Variants in HYCC2 observed in about 807,000 individuals in gnomAD.
HYCC2 encodes hyccin 2.
the HYCC2 span, chr2:200,981,736 C>T: frequency 6.2e-7 from 1 of 1,614,128 alleles, no homozygotes; most frequent in Non-Finnish European, 8.5e-7. This position sits in a 1 kb window ranked among gnomAD's most constrained non-coding sequence, Gnocchi z 4.5. Flanking sequence ...TGCTACTTTC[C>T]TTAAGCTTCC....
chr2:201,037,244 G>T, the HYCC2 span, among the ~76,000 whole-genome samples: 3 of 152,074 alleles, frequency 2.0e-5, no homozygotes, highest in Non-Finnish European at 4.4e-5. Flanking sequence ...ATAAAAGAGG[G>T]CATAAAAAAA....
the HYCC2 span, among the ~76,000 whole-genome samples, chr2:200,985,148 G>A: frequency 6.6e-6 from 1 of 152,034 alleles, no homozygotes; most frequent in Non-Finnish European, 1.5e-5. Flanking sequence ...AAAGGCAATT[G>A]TGTCTCAAAA....
the HYCC2 span, among the ~76,000 whole-genome samples, chr2:201,030,001 C>T: frequency 4.6e-5 from 7 of 152,252 alleles, no homozygotes; most frequent in East Asian, 9.6e-4. Context: ...GTGGGAAGAA[C>T]GCTTGATCTC....
At chr2:200,984,367 T>G in the HYCC2 span, among the ~76,000 whole-genome samples, 1 of 152,196 alleles carries the variant, frequency 6.6e-6, no homozygotes, top group Non-Finnish European at 1.5e-5. Flanking sequence ...AACTCCAGCT[T>G]TAAAAGTCAT....
the HYCC2 span, among the ~76,000 whole-genome samples, chr2:201,042,540 T>C: frequency 6.6e-6 from 1 of 151,270 alleles, no homozygotes; most frequent in African/African-American, 2.4e-5. Flanking sequence ...CCACCCCGTC[T>C]GGGAGGTGAG....
chr2:200,996,028 C>CTTTTTTTTTTTTTTTTTTTTTTTTTTT, the HYCC2 span: 1 of 115,506 alleles, frequency 8.7e-6, no homozygotes, highest in Non-Finnish European at 1.8e-5. Context: ...TTTCTTTTTT[C>CTTTTTTTTTTTTTTTTTTTTTTTTTTT]TTTTTTTTTT....
At chr2:201,039,770 TGAC>T in the HYCC2 span, among the ~76,000 whole-genome samples, 1 of 152,194 alleles carries the variant, frequency 6.6e-6, no homozygotes, top group Non-Finnish European at 1.5e-5. Context: ...CAAGTATAGA[TGAC>T]TACTACTACT....
At chr2:200,994,089 AC>A in the HYCC2 span, among the ~76,000 whole-genome samples, 2 of 152,250 alleles carry the variant, frequency 1.3e-5, no homozygotes, top group African/African-American at 2.4e-5. Flanking sequence ...GTAATGTTAG[AC>A]CATTAAAGAA....
the HYCC2 span, among the ~76,000 whole-genome samples, chr2:201,038,067 C>G: frequency 6.6e-6 from 1 of 152,118 alleles, no homozygotes; most frequent in African/African-American, 2.4e-5. Context: ...ACAACCCCAT[C>G]AAAAAGTGGG....
chr2:201,048,355 T>C, the HYCC2 span, among the ~76,000 whole-genome samples: 2 of 152,070 alleles, frequency 1.3e-5, no homozygotes, highest in East Asian at 3.8e-4. Context: ...AGATTATACA[T>C]ATAAACCCAA....
chr2:200,991,526 G>A, the HYCC2 span, among the ~76,000 whole-genome samples: 1 of 150,028 alleles, frequency 6.7e-6, no homozygotes. Context: ...CTGAGATAGC[G>A]CCACTGCACT....
the HYCC2 span, among the ~76,000 whole-genome samples, chr2:201,059,521 A>G: frequency 6.6e-6 from 1 of 152,142 alleles, no homozygotes; most frequent in Non-Finnish European, 1.5e-5. Flanking sequence ...AATGACAGAG[A>G]GTGACTCTTT....
the HYCC2 span, among the ~76,000 whole-genome samples, chr2:201,059,874 C>G: frequency 6.6e-6 from 1 of 151,986 alleles, no homozygotes; most frequent in African/African-American, 2.4e-5. Context: ...GGTGAAACCC[C>G]GTCTCTACTA....
chr2:200,977,908 G>C, the HYCC2 span: 2 of 152,254 alleles, frequency 1.3e-5, no homozygotes, highest in African/African-American at 4.8e-5. Flanking sequence ...TTGCTTTCTA[G>C]TAATTAATGT....
chr2:201,028,854 A>T, the HYCC2 span, among the ~76,000 whole-genome samples: 2 of 152,220 alleles, frequency 1.3e-5, no homozygotes, highest in East Asian at 3.8e-4. Context: ...CTAAAACCAT[A>T]AAAACCCTAG....
At chr2:201,044,207 G>T in the HYCC2 span, among the ~76,000 whole-genome samples, 1 of 152,144 alleles carries the variant, frequency 6.6e-6, no homozygotes, top group Non-Finnish European at 1.5e-5. Context: ...CACAGAAAAT[G>T]ACTATCTTTA....
At chr2:201,053,215 T>C in the HYCC2 span, among the ~76,000 whole-genome samples, 32,976 of 151,810 alleles carry the variant, frequency 0.22, 4,439 homozygotes, top group African/African-American at 0.37. Flanking sequence ...CTCCGCCTCC[T>C]GGGTTCAAGT....
At chr2:201,034,397 A>C in the HYCC2 span, among the ~76,000 whole-genome samples, 3 of 152,220 alleles carry the variant, frequency 2.0e-5, no homozygotes, top group East Asian at 5.8e-4. Flanking sequence ...TGTTGGTTTA[A>C]AGTCTGTTTT....
the HYCC2 span, chr2:200,988,241 C>T: frequency 1.9e-6 from 3 of 1,587,998 alleles, no homozygotes; most frequent in Non-Finnish European, 2.6e-6. Flanking sequence ...CATGTGTGGA[C>T]TATGGGGATT....
Sources: allele counts gnomAD v4.1 joint callset (sites outside exome capture counted in the v4.1 genomes callset), GRCh38; gene constraint gnomAD v4.1.1; non-coding constraint Gnocchi (gnomAD v3.1); transcripts MANE v1.5; gene names NCBI Gene and HGNC (gene_info 2026-07-23, HGNC 2026-07-21).